GIMAP8: variants seen among roughly 807,000 people sequenced by gnomAD.
GIMAP8 encodes GTPase IMAP family member 8.
A neutral mutation model predicts 35.6 loss-of-function variants in GIMAP8; 29 were observed. The observed-to-expected ratio is 0.81, with a 90% CI of 0.61 to 1.11. GIMAP8 has a LOEUF of 1.11. Ranked by LOEUF, GIMAP8 falls within the 50% of genes most tolerant of loss-of-function variation. The probability of loss-of-function intolerance (pLI) is 0.00; values close to 1 mark genes in which losing one functional copy is unlikely to be tolerated. For missense variants in GIMAP8, 811 were observed against 805.0 expected, an observed-to-expected ratio of 1.01 and a Z score of -0.09; for synonymous variants, 335 against 308.7, an observed-to-expected ratio of 1.09 and a Z score of -0.89.
intron 2 of GIMAP8, among the ~76,000 whole-genome samples, 184 bp from the exon 3 acceptor site, chr7:150,470,645 C>T (rs1177272891): frequency 6.6e-6 from 1 of 151,936 alleles, no homozygotes; most frequent in African/African-American, 2.4e-5. Flanking sequence ...GATCCACTGC[C>T]ATTGTGGACA....
intron 1 of GIMAP8, among the ~76,000 whole-genome samples, chr7:150,464,690 G>GA (rs1444698301): frequency 1.3e-4 from 19 of 151,264 alleles, no homozygotes; most frequent in Admixed American, 5.3e-4. Context: ...CTCTAAAACA[G>GA]AAAAAAAAGA....
At chr7:150,457,897 G>A (rs1316191876) in intron 1 of GIMAP8, among the ~76,000 whole-genome samples, 1 of 152,206 alleles carries the variant, frequency 6.6e-6, no homozygotes, top group African/African-American at 2.4e-5. Context: ...AGTTCTTTGA[G>A]CTGCACTCGG....
intron 1 of GIMAP8, among the ~76,000 whole-genome samples, chr7:150,459,709 A>G (rs1279588538): frequency 1.3e-5 from 2 of 152,200 alleles, no homozygotes; most frequent in African/African-American, 4.8e-5. Context: ...GGCAGGGAAC[A>G]TGGTAAGACC....
chr7:150,477,221 G>A lies in GIMAP8; in HGVS notation c.1439G>A (p.Gly480Asp), dbSNP rs777656666. The change falls in exon 5 of 5, where the codon GGC becomes GAC. Residue 480 changes from glycine (G) to aspartate (D), a missense_variant. Coordinates refer to ENST00000307271, the MANE Select transcript of GIMAP8 (RefSeq NM_175571.4). ...CCAGTCACCAAGACCAGCCAGAGTGGCAGGAGGACATGGGACGGACAGGAG... is the reference window on the plus strand; with the variant it reads ...CCAGTCACCAAGACCAGCCAGAGTGACAGGAGGACATGGGACGGACAGGAG... ...AQPVTKTSQSGRRTWDGQEVV... is the reference protein window; with the variant it reads ...AQPVTKTSQSDRRTWDGQEVV... The A allele has an allele frequency of 1.3e-5, 21 of 1,614,026 alleles. No individual in the cohort carries two copies. In the South Asian group the frequency reaches 2.1e-4, roughly 16 times the overall value.
chr7:150,470,759 T>G, intron 2 of GIMAP8, 70 bp from the exon 3 acceptor site: 2 of 712,088 alleles, frequency 2.8e-6, no homozygotes, highest in East Asian at 3.0e-5. Flanking sequence ...TTTTTTTTTT[T>G]TTTTTTTTTC....
intron 2 of GIMAP8, among the ~76,000 whole-genome samples, chr7:150,470,415 C>T (rs776350635): frequency 3.9e-5 from 6 of 152,088 alleles, no homozygotes; most frequent in Admixed American, 1.3e-4. Flanking sequence ...CAGGATTCCC[C>T]AGGCAGGAGA....
chr7:150,473,283 G>A (rs1440598944), intron 3 of GIMAP8, among the ~76,000 whole-genome samples: 2 of 151,992 alleles, frequency 1.3e-5, no homozygotes, highest in African/African-American at 2.4e-5. Context: ...GCAATTTATT[G>A]AGGTACGATT....
intron 1 of GIMAP8, among the ~76,000 whole-genome samples, chr7:150,455,580 T>C: frequency 6.6e-6 from 1 of 152,202 alleles, no homozygotes; most frequent in Non-Finnish European, 1.5e-5. Flanking sequence ...ATTTAGTAAA[T>C]GGTGCTGGGA....
rs1801974857 is a variant in GIMAP8, at chr7:150,466,921, T to C, written c.223T>C (p.Cys75Arg). The change falls in exon 2 of 5, where the codon TGT becomes CGT. Residue 75 changes from cysteine (C) to arginine (R), a missense_variant. Coordinates refer to ENST00000307271, the MANE Select transcript of GIMAP8 (RefSeq NM_175571.4). ...DTPDLFSSIA[C>R]AEDKQRNIQH... ...CCCTGACCTTTTCTCCTCAATAGCT[T>C]GTGCTGAAGACAAGCAACGCAACAT... 6.2e-7 allele frequency: 1 copy of C among 1,614,122 alleles called. No individual in the cohort carries two copies. Among genetic ancestry groups the C allele is most frequent in the African/African-American group, 1.3e-5 (1 of 74,936 alleles).
intron 4 of GIMAP8, among the ~76,000 whole-genome samples, chr7:150,476,281 G>A (rs779273615): frequency 8.5e-5 from 13 of 152,236 alleles, no homozygotes; most frequent in South Asian, 2.1e-4. Context: ...AGAGAACTAC[G>A]AAGAGACTTG....
chr7:150,466,644 TTAA>T, intron 1 of GIMAP8, 24 bp from the exon 2 acceptor site: 2 of 1,575,120 alleles, frequency 1.3e-6, no homozygotes. Flanking sequence ...GAGTTGAACA[TTAA>T]TGTGTTGTTT....
intron 1 of GIMAP8, among the ~76,000 whole-genome samples, chr7:150,456,264 G>C (rs1262538903): frequency 6.6e-6 from 1 of 152,180 alleles, no homozygotes; most frequent in African/African-American, 2.4e-5. Context: ...TTATTTTACA[G>C]TTCTGGAGGT....
At position 150,451,824 on chromosome 7, in the gene GIMAP8, A is replaced by G. The variant is rs1178047863; in HGVS notation, c.-29+649A>G. Among the ~76,000 whole-genome samples, 1 of 152,180 alleles carries G rather than the reference A, an allele frequency of 6.6e-6. No individual in the cohort carries two copies. The highest frequency in any genetic ancestry group is 1.5e-5 in the Non-Finnish European group (1 of 68,036). On this transcript the variant is annotated intron_variant, in intron 1 of 4. Coordinates refer to ENST00000307271, the MANE Select transcript of GIMAP8 (RefSeq NM_175571.4). The surrounding 1 kb of genome is among the most constrained non-coding windows in gnomAD (Gnocchi z 4.1). ...GAGGGGTCAAGACCTTACCAAAAGC[A>G]ATATTTCTGATTTCACCTACATTTC...
At chr7:150,468,180 G>A (rs184583475) in intron 2 of GIMAP8, among the ~76,000 whole-genome samples, 63 of 152,144 alleles carry the variant, frequency 4.1e-4, no homozygotes, top group African/African-American at 1.3e-3. Context: ...AGCCTACATC[G>A]TTTCTTGCCT....
chr7:150,452,348 T>C (rs1801626181), intron 1 of GIMAP8, among the ~76,000 whole-genome samples: 1 of 150,962 alleles, frequency 6.6e-6, no homozygotes, highest in African/African-American at 2.4e-5. Flanking sequence ...GGTCCTGACA[T>C]CATGTGGAGC....
In GIMAP8 at chr7:150,467,031, G is replaced by A. The variant is rs1476072179; in HGVS notation, c.333G>A (p.Glu111=). The change falls in exon 2 of 5, where the codon GAG becomes GAA. Residue 111 remains glutamate, a synonymous_variant. Transcript: ENST00000307271. ...TCGGCCATTTCACAAGGGAGGATGA[G>A]GAAACAGCCAAGGGCATCCAACAAG... ...IAIGHFTRED[E]ETAKGIQQVF... The A allele has an allele frequency of 6.2e-7, 1 of 1,614,232 alleles. No individual in the cohort carries two copies. Among genetic ancestry groups the A allele is most frequent in the Non-Finnish European group, 8.5e-7 (1 of 1,180,048 alleles).
rs371671901 is a variant in GIMAP8 at position 150,474,341 on chromosome 7, A to G, written c.1012A>G (p.Lys338Glu). 9 of 1,614,116 alleles carry G rather than the reference A, an allele frequency of 5.6e-6. No homozygotes were observed. Among genetic ancestry groups the G allele is most frequent in the East Asian group, 2.2e-5 (1 of 44,902 alleles). Residue 338 changes from lysine (K) to glutamate (E), a missense_variant, in exon 4 of 5, where the codon AAG (lysine) becomes GAG (glutamate). Coordinates refer to ENST00000307271, the MANE Select transcript of GIMAP8 (RefSeq NM_175571.4). ...GGTGACACCACTGGGCTTTTACACT[A>G]AGAATGATGAGGCAGTGCTGAGCAC... is the stretch of plus-strand genomic sequence containing the variant. ...LLVTPLGFYT[K>E]NDEAVLSTIQ...
At chr7:150,458,809 A>G (rs1052104810) in intron 1 of GIMAP8, among the ~76,000 whole-genome samples, 2 of 152,356 alleles carry the variant, frequency 1.3e-5, no homozygotes, top group South Asian at 4.1e-4. Flanking sequence ...TAAATATTAT[A>G]ATATAAAATC....
intron 1 of GIMAP8, among the ~76,000 whole-genome samples, chr7:150,463,982 G>A (rs10266381): frequency 0.014 from 2,205 of 152,318 alleles, 54 homozygotes; most frequent in African/African-American, 0.045. Flanking sequence ...ATGCATGGGC[G>A]CTGGTGGTGG....
Sources: gnomAD v4.1 joint callset for allele counts (sites outside exome capture counted in the v4.1 genomes callset) on GRCh38, gnomAD v4.1.1 for gene constraint, Gnocchi (gnomAD v3.1) non-coding constraint, MANE v1.5 for transcripts, NCBI Gene and HGNC (gene_info 2026-07-23, HGNC 2026-07-21) for gene names.